USP49: variants seen among roughly 807,000 people sequenced by gnomAD.
USP49 encodes the protein ubiquitin specific peptidase 49.
In USP49, 24 loss-of-function variants were observed where a neutral mutation model predicts 58.6. That is an observed-to-expected ratio of 0.41 (90% CI 0.30 to 0.58). The LOEUF is 0.58. USP49 is among the 20% of genes least tolerant of loss of function. USP49 has a pLI of 0.30. For missense variants in USP49, 703 were observed against 866.1 expected, an observed-to-expected ratio of 0.81 and a Z score of 2.36; for synonymous variants, 408 against 365.1, an observed-to-expected ratio of 1.12 and a Z score of -1.34.
At position 41,806,462 on chromosome 6, in the gene USP49, C is replaced by T; in HGVS notation, c.522G>A (p.Gln174=). 2.5e-6 allele frequency: 4 copies of T among 1,594,924 alleles called. No individual in the cohort carries two copies. Among genetic ancestry groups the T allele is most frequent in the Non-Finnish European group, 3.4e-6 (4 of 1,178,030 alleles). The stretch of plus-strand genomic sequence containing the variant: ...CCTTCTTGCGCTCCAGGGCCTCCTC[C>T]TGCCGCCGCTGCTCCAGCTTCGCCT... ...RGQAKLEQRR[Q]EEALERKKEE... The change falls in exon 4 of 8, where the codon CAG becomes CAA. Residue 174 remains glutamine (Q), a synonymous_variant. Transcript: ENST00000682992. The surrounding 1 kb of genome is among the most constrained non-coding windows in gnomAD (Gnocchi z 5.9).
At chr6:41,855,463 C>T (rs377053768) in intron 3 of USP49, among the ~76,000 whole-genome samples, 1 of 151,328 alleles carries the variant, frequency 6.6e-6, no homozygotes, top group South Asian at 2.1e-4. Flanking sequence ...TACAATGAGC[C>T]GAGATCACAC....
intron 2 of USP49, among the ~76,000 whole-genome samples, chr6:41,877,830 G>A (rs980036620): frequency 3.2e-4 from 49 of 152,106 alleles, no homozygotes; most frequent in Non-Finnish European, 1.9e-4. Flanking sequence ...AAAAGTGCTG[G>A]GATTATAGGC....
intron 2 of USP49, among the ~76,000 whole-genome samples, chr6:41,880,882 C>T (rs954963441): frequency 6.6e-6 from 1 of 151,982 alleles, no homozygotes; most frequent in Non-Finnish European, 1.5e-5. Context: ...AGGATAAAAG[C>T]TGGGCAGGTC....
intron 3 of USP49, among the ~76,000 whole-genome samples, chr6:41,865,716 G>A (rs1313642832): frequency 6.6e-6 from 1 of 151,318 alleles, no homozygotes. Context: ...ATAGCTCACT[G>A]TAACCTCGAA....
In USP49 at chr6:41,866,964, G is replaced by A. The variant is rs186138267; in HGVS notation, c.-29+4600C>T. On this transcript the variant is annotated intron_variant, in intron 3 of 7. Coordinates refer to ENST00000682992, the MANE Select transcript of USP49 (RefSeq NM_001286554.2). ...GAAGAGATTCTCAAACAAGGGAAAG[G>A]GGTAAAAAAAGATGGAGAGAAAAAG... 7.6e-4 allele frequency among the ~76,000 whole-genome samples: 115 copies of A among 152,188 alleles called. 3 individuals carry two copies. Among genetic ancestry groups the A allele is most frequent in the Admixed American group, 6.8e-3 (104 of 15,280 alleles).
Position 41,886,975 on chromosome 6 carries a change from A to C in USP49, c.-103+4819T>G, listed in dbSNP as rs777376037. 7.2e-5 allele frequency among the ~76,000 whole-genome samples: 11 copies of C among 152,310 alleles called. 1 individual carries two copies. The highest frequency in any genetic ancestry group is 2.6e-4 in the Admixed American group (4 of 15,302). The stretch of plus-strand genomic sequence containing the variant: ...AACTACAATGTATATCTACAAAACA[A>C]ATTGATCCTTAAAGACTTTATTTCA... On this transcript the variant is annotated intron_variant, in intron 2 of 7. Transcript: ENST00000682992.
At chr6:41,893,743 T>A (rs114079336) in intron 1 of USP49, among the ~76,000 whole-genome samples, 2,994 of 152,236 alleles carry the variant, frequency 0.02, 49 homozygotes, top group South Asian at 0.062. Context: ...TCAAAAGCAA[T>A]GAAGGGTGGA....
intron 3 of USP49, among the ~76,000 whole-genome samples, chr6:41,823,283 A>G (rs1172238512): frequency 6.6e-6 from 1 of 152,208 alleles, no homozygotes; most frequent in East Asian, 1.9e-4. Flanking sequence ...TACCTATTTT[A>G]AAAAAGGACA....
At chr6:41,829,389 A>G (rs1773597134) in intron 3 of USP49, among the ~76,000 whole-genome samples, 1 of 151,510 alleles carries the variant, frequency 6.6e-6, no homozygotes, top group African/African-American at 2.4e-5. Context: ...ATCTTGGCTC[A>G]CTGCAACCTC....
At chr6:41,829,055 C>CT (rs1280582029) in intron 3 of USP49, among the ~76,000 whole-genome samples, 10 of 152,054 alleles carry the variant, frequency 6.6e-5, no homozygotes, top group Admixed American at 6.6e-4. Flanking sequence ...TTCCTGGATA[C>CT]TTTATAGTTT....
At chr6:41,857,783 G>A (rs549706187) in intron 3 of USP49, among the ~76,000 whole-genome samples, 17 of 152,152 alleles carry the variant, frequency 1.1e-4, no homozygotes, top group East Asian at 1.9e-4. Context: ...CTTAAGACCC[G>A]GAATAATGAG....
At chr6:41,878,211 A>G (rs1774536347) in intron 2 of USP49, among the ~76,000 whole-genome samples, 1 of 152,214 alleles carries the variant, frequency 6.6e-6, no homozygotes, top group Non-Finnish European at 1.5e-5. Flanking sequence ...TATTCTAGCA[A>G]AAAGAAACAC....
rs985434728 is a variant in USP49, at chr6:41,790,847, G to A, written c.*5686C>T. On this transcript the variant is annotated 3_prime_UTR_variant, in exon 8 of 8. Coordinates refer to ENST00000682992, the MANE Select transcript of USP49 (RefSeq NM_001286554.2). The stretch of plus-strand genomic sequence containing the variant: ...AGTCTACACTGGGTTGACTCTGAGA[G>A]GTTTATATCTTATTGGGTATTAAGA... 6 of 152,162 alleles carry A rather than the reference G, an allele frequency of 3.9e-5. No homozygotes were observed. The highest frequency in any genetic ancestry group is 1.4e-4 in the African/African-American group (6 of 41,436). 9.4% of individuals were successfully genotyped at this position (152,162 alleles called of 1,614,324 possible). A position where few individuals can be genotyped will look rare whatever the true frequency, so the allele number is the denominator to read the frequency against.
chr6:41,886,760 G>A (rs1027820523), intron 2 of USP49, among the ~76,000 whole-genome samples: 10 of 152,162 alleles, frequency 6.6e-5, no homozygotes, highest in African/African-American at 9.7e-5. Context: ...TTAGTCGGGC[G>A]TGGTGGTGCA....
intron 3 of USP49, among the ~76,000 whole-genome samples, chr6:41,808,695 C>T (rs1773188802): frequency 6.6e-6 from 1 of 152,100 alleles, no homozygotes; most frequent in African/African-American, 2.4e-5. Context: ...TAGGTGTGAG[C>T]CAACACGCCA....
chr6:41,855,943 G>T (rs931620267), intron 3 of USP49, among the ~76,000 whole-genome samples: 1 of 152,150 alleles, frequency 6.6e-6, no homozygotes, highest in Non-Finnish European at 1.5e-5. Flanking sequence ...AGCTACTAGG[G>T]GGGCTGAGGC....
In USP49 at chr6:41,791,760, A is replaced by G. The variant is rs946685100; in HGVS notation, c.*4773T>C. ...CAGAGTGTGGGATGAATAAGTACAT[A>G]GTAATTAAAGTCATAGTCCTGGCCC... On this transcript the variant is annotated 3_prime_UTR_variant, in exon 8 of 8. Transcript: ENST00000682992. 6.6e-6 allele frequency: 1 copy of G among 152,254 alleles called. No homozygotes were observed. The highest frequency in any genetic ancestry group is 2.4e-5 in the African/African-American group (1 of 41,460). The allele number at this position is 152,254 out of a possible 1,614,324, so 9.4% of individuals were successfully genotyped here. A position where few individuals can be genotyped will look rare whatever the true frequency, so the allele number is the denominator to read the frequency against.
At chr6:41,862,041 T>C (rs555703705) in intron 3 of USP49, among the ~76,000 whole-genome samples, 4 of 152,198 alleles carry the variant, frequency 2.6e-5, no homozygotes, top group Non-Finnish European at 5.9e-5. Context: ...TGCTATGCTA[T>C]GAACTGCATA....
intron 3 of USP49, among the ~76,000 whole-genome samples, chr6:41,844,620 G>A (rs1314047406): frequency 6.6e-6 from 1 of 152,072 alleles, no homozygotes; most frequent in Non-Finnish European, 1.5e-5. Flanking sequence ...GCCAATGATG[G>A]TTTTGATCAA....
Sources: gnomAD v4.1 joint callset for allele counts (sites outside exome capture counted in the v4.1 genomes callset) on GRCh38, gnomAD v4.1.1 for gene constraint, Gnocchi (gnomAD v3.1) non-coding constraint, MANE v1.5 for transcripts, NCBI Gene and HGNC (gene_info 2026-07-23, HGNC 2026-07-21) for gene names.